The following DLC1 variants were observed in gnomAD, a reference collection of about 807,000 sequenced individuals.
DLC1 encodes DLC1 Rho GTPase activating protein, also known as rho GTPase-activating protein 7.
DLC1 carries 54 observed loss-of-function variants against 140.3 expected under a neutral mutation model. The ratio of observed to expected loss-of-function variants is 0.38; its 90% CI spans 0.31 to 0.48. DLC1 has a LOEUF of 0.48. Among genes scored for constraint, DLC1 ranks in the 20% least tolerant of loss-of-function variants. The probability of loss-of-function intolerance (pLI) is 0.96; values close to 1 mark genes in which losing one functional copy is unlikely to be tolerated. For synonymous variants in DLC1, 986 were observed against 728.1 expected (o/e 1.35, Z -5.70); for missense variants, 2,536 against 1,907.0 (o/e 1.33, Z -6.14).
At chr8:13,601,548 C>G (rs1563468673) in intron 1 of DLC1, among the ~76,000 whole-genome samples, 1 of 151,206 alleles carries the variant, frequency 6.6e-6, no homozygotes, top group Non-Finnish European at 1.5e-5. Flanking sequence ...TTGGAAAGCA[C>G]TTGTTAGAGT....
At chr8:13,585,098 A>G (rs796645444) in intron 1 of DLC1, among the ~76,000 whole-genome samples, 6 of 152,322 alleles carry the variant, frequency 3.9e-5, no homozygotes, top group African/African-American at 1.4e-4. Flanking sequence ...TGAACTTAGC[A>G]TTTTCTTAGA....
intron 5 of DLC1, among the ~76,000 whole-genome samples, chr8:13,211,326 C>T (rs1313305783): frequency 6.6e-6 from 1 of 152,110 alleles, no homozygotes; most frequent in African/African-American, 2.4e-5. Context: ...TAGCCCTGCT[C>T]TGTCTATGGA....
intron 1 of DLC1, among the ~76,000 whole-genome samples, chr8:13,574,682 C>A (rs1192869881): frequency 2.6e-5 from 4 of 152,226 alleles, no homozygotes. Context: ...GACTAAAATT[C>A]TGTGCCTAAA....
intron 5 of DLC1, among the ~76,000 whole-genome samples, chr8:13,191,364 A>G (rs1332399926): frequency 6.6e-6 from 1 of 152,134 alleles, no homozygotes; most frequent in Non-Finnish European, 1.5e-5. Flanking sequence ...AAAATCAACC[A>G]GGCGTGGTGG....
chr8:13,179,398 T>C (rs1011265872), intron 5 of DLC1, among the ~76,000 whole-genome samples: 2 of 152,124 alleles, frequency 1.3e-5, no homozygotes, highest in Non-Finnish European at 2.9e-5. Flanking sequence ...GCTGTACACT[T>C]ACACATGCAC....
chr8:13,547,282 T>A (rs1803684859), intron 1 of DLC1, among the ~76,000 whole-genome samples: 1 of 152,084 alleles, frequency 6.6e-6, no homozygotes, highest in South Asian at 2.1e-4. Context: ...TTTTCATAGC[T>A]TTTTGCATAA....
Position 13,442,903 on chromosome 8 carries a change from G to A in DLC1, c.1024-41284C>T, listed in dbSNP as rs190125100. ...CATGCTGCTGTAAAGACACATGCACGCATATGTTTATTGTGGCAGTATTCA... is the reference window on the plus strand; with the variant it reads ...CATGCTGCTGTAAAGACACATGCACACATATGTTTATTGTGGCAGTATTCA... On this transcript the variant is annotated intron_variant, in intron 2 of 17. Coordinates refer to ENST00000276297, the MANE Select transcript of DLC1 (RefSeq NM_182643.3). Among the ~76,000 whole-genome samples the A allele has an allele frequency of 4.1e-3, 631 of 152,202 alleles. 4 individuals carry two copies. The highest frequency in any genetic ancestry group is 0.013 in the African/African-American group (538 of 41,536).
At chr8:13,420,149 C>T (rs899492534) in intron 2 of DLC1, among the ~76,000 whole-genome samples, 1 of 151,820 alleles carries the variant, frequency 6.6e-6, no homozygotes, top group Non-Finnish European at 1.5e-5. Flanking sequence ...TTTTGTTAAT[C>T]CTTTCAAAAA....
chr8:13,229,287 C>G (rs147235495), intron 5 of DLC1, among the ~76,000 whole-genome samples: 1 of 152,276 alleles, frequency 6.6e-6, no homozygotes, highest in Non-Finnish European at 1.5e-5. Flanking sequence ...CACGCTACAA[C>G]ATTACGAACC....
chr8:13,154,150 G>A (rs4618696), intron 5 of DLC1, among the ~76,000 whole-genome samples: 1 of 152,104 alleles, frequency 6.6e-6, no homozygotes, highest in Non-Finnish European at 1.5e-5. Context: ...CAAGTCCCCA[G>A]CAGACCCAGA....
chr8:13,149,732 C>T (rs1475885402), intron 5 of DLC1, among the ~76,000 whole-genome samples: 1 of 152,208 alleles, frequency 6.6e-6, no homozygotes, highest in Non-Finnish European at 1.5e-5. Flanking sequence ...GTTGGAAGAA[C>T]ATCTGTACCT....
At chr8:13,120,175 C>T (rs1406846627) in intron 5 of DLC1, among the ~76,000 whole-genome samples, 2 of 149,838 alleles carry the variant, frequency 1.3e-5, no homozygotes, top group Admixed American at 6.7e-5. Flanking sequence ...AAACCCCGTC[C>T]CTACTAAAAA....
chr8:13,292,551 T>C (rs17128489), intron 5 of DLC1, among the ~76,000 whole-genome samples: 11,689 of 152,238 alleles, frequency 0.077, 942 homozygotes, highest in East Asian at 0.41. Context: ...ACCTGGCTGA[T>C]CTTTGTTTTG....
At chr8:13,545,726 G>A (rs968226532) in intron 1 of DLC1, among the ~76,000 whole-genome samples, 1 of 152,042 alleles carries the variant, frequency 6.6e-6, no homozygotes, top group Middle Eastern at 3.4e-3. Flanking sequence ...AACCATTTGT[G>A]CTAAGATAAA....
At position 13,305,295 on chromosome 8, in the gene DLC1, T is replaced by C. The variant is rs780378829; in HGVS notation, c.1322A>G (p.Gln441Arg). ...SGTKPKTTAI[Q>R]GISEKEKAEI... Reference sequence around the variant, plus strand: ...AGCCTTTTCCTTCTCTGAAATACCTTGAATAGCCTGAAAAAAAAGACACAA... The same window carrying C: ...AGCCTTTTCCTTCTCTGAAATACCTCGAATAGCCTGAAAAAAAAGACACAA... Residue 441 changes from glutamine to arginine, a missense_variant, in exon 5 of 18, where the codon CAA (glutamine) becomes CGA (arginine). Transcript: ENST00000276297. 3 of 1,599,730 alleles carry C rather than the reference T, an allele frequency of 1.9e-6. No individual in the cohort carries two copies. In the African/African-American group the frequency reaches 4.0e-5, roughly 22 times the overall value.
intron 5 of DLC1, among the ~76,000 whole-genome samples, chr8:13,227,799 C>G (rs578221552): frequency 7.2e-5 from 11 of 152,302 alleles, no homozygotes; most frequent in African/African-American, 2.6e-4. Flanking sequence ...TACTTTTCAT[C>G]TCACATTTGG....
intron 3 of DLC1, among the ~76,000 whole-genome samples, chr8:13,394,786 C>T (rs555013477): frequency 6.6e-6 from 1 of 152,204 alleles, no homozygotes; most frequent in Non-Finnish European, 1.5e-5. Context: ...ATACAGTAAG[C>T]TGGTGTCTAC....
At chr8:13,489,339 C>T (rs1801125741) in intron 2 of DLC1, among the ~76,000 whole-genome samples, 1 of 128,552 alleles carries the variant, frequency 7.8e-6, no homozygotes, top group South Asian at 3.2e-4. Context: ...TCAGTCCCCG[C>T]CCCCGGCCCC....
At chr8:13,357,381 G>C (rs1834995520) in intron 4 of DLC1, among the ~76,000 whole-genome samples, 1 of 152,184 alleles carries the variant, frequency 6.6e-6, no homozygotes, top group African/African-American at 2.4e-5. Flanking sequence ...TATGTCTTTG[G>C]ACAAATTTAC....
Sources: allele counts gnomAD v4.1 joint callset (sites outside exome capture counted in the v4.1 genomes callset), GRCh38; gene constraint gnomAD v4.1.1; transcripts MANE v1.5; gene names NCBI Gene and HGNC (gene_info 2026-07-23, HGNC 2026-07-21).